Variants in IQCH observed in about 807,000 individuals in gnomAD.
IQCH encodes IQ domain-containing protein H.
Under a neutral mutation model 117.0 loss-of-function variants are expected in IQCH, and 98 were observed. The observed-to-expected ratio is 0.84, with a 90% CI of 0.71 to 0.99. The LOEUF (loss-of-function observed/expected upper bound fraction) is 0.99, where lower values mean the gene tolerates loss of function less well. Among genes scored for constraint, IQCH ranks in the 50% least tolerant of loss-of-function variants. The pLI is 0.00. For missense variants in IQCH, 1,102 were observed against 1,243.8 expected, an observed-to-expected ratio of 0.89 and a Z score of 1.72; for synonymous variants, 412 against 448.2, an observed-to-expected ratio of 0.92 and a Z score of 1.02.
Position 67,254,859 on chromosome 15 carries a change from C to G in IQCH, c.-38C>G. On this transcript the variant is annotated 5_prime_UTR_variant, in exon 1 of 21. Transcript: ENST00000335894. ...GGCTGAAGGTTTCCGTGCTTGGAAA[C>G]CGCGCCTCCGCGGAGGTAGCCGTTC... 7.5e-6 allele frequency: 12 copies of G among 1,603,908 alleles called. No individual in the cohort carries two copies. The highest frequency in any genetic ancestry group is 1.0e-5 in the Non-Finnish European group (12 of 1,173,496).
In IQCH at chr15:67,293,848, A is replaced by T. The variant is rs149456822; in HGVS notation, c.387+14336A>T. On this transcript the variant is annotated intron_variant, in intron 4 of 20. Transcript: ENST00000335894. ...ACCCTAAATTATGAGTGTGAATAGC[A>T]AAGAAGGGGAGGGTGCAAGGAAGAG... Among the ~76,000 whole-genome samples the T allele has an allele frequency of 3.2e-3, 490 of 152,272 alleles. 2 individuals carry two copies. Among genetic ancestry groups the T allele is most frequent in the Admixed American group, 3.9e-3 (60 of 15,282 alleles).
At position 67,348,046 on chromosome 15, in the gene IQCH, C is replaced by G. The variant is rs200823373; in HGVS notation, c.637+3855C>G. Among the ~76,000 whole-genome samples the G allele has an allele frequency of 6.6e-5, 10 of 151,584 alleles. No homozygotes were observed. The East Asian group carries it at 1.9e-3, about 29-fold the overall frequency. ...AAGAAGAAAAACTATATAACCATCT[C>G]AATTTAAAAAAAATCAACATCCATT... On this transcript the variant is annotated intron_variant, in intron 6 of 20. Coordinates refer to ENST00000335894, the MANE Select transcript of IQCH (RefSeq NM_001031715.3).
In IQCH at chr15:67,295,124, C is replaced by T. The variant is rs149760713; in HGVS notation, c.387+15612C>T. Among the ~76,000 whole-genome samples, 104 of 152,252 alleles carry T rather than the reference C, an allele frequency of 6.8e-4. 4 individuals carry two copies. The East Asian group carries it at 0.012, about 18-fold the overall frequency. On this transcript the variant is annotated intron_variant, in intron 4 of 20. Transcript: ENST00000335894. ...CTCCTCTTTCTTCATACCTCCAGCA[C>T]CCTTGTCTCCCCTTACTTTCAGCTG...
At position 67,384,305 on chromosome 15, in the gene IQCH, C is replaced by A. The variant is rs1971037256; in HGVS notation, c.1373-631C>A. Among the ~76,000 whole-genome samples the A allele has an allele frequency of 6.6e-6, 1 of 152,014 alleles. No individual in the cohort carries two copies. The highest frequency in any genetic ancestry group is 6.6e-5 in the Admixed American group (1 of 15,242). ...GAGAGATTTTTGGACAATAGTAATT[C>A]ATATGTGTTTTCCCTTCTGCTACGT... On this transcript the variant is annotated intron_variant, in intron 10 of 20. Transcript: ENST00000335894. This position sits in a 1 kb window ranked among gnomAD's most constrained non-coding sequence, Gnocchi z 4.3.
intron 6 of IQCH, among the ~76,000 whole-genome samples, chr15:67,349,660 T>C (rs1342306587): frequency 6.6e-6 from 1 of 151,134 alleles, no homozygotes; most frequent in Non-Finnish European, 1.5e-5. Context: ...AGTTAATATT[T>C]TAAAACAATA....
rs1352283619 is a variant in IQCH at position 67,381,857 on chromosome 15, A to T, written c.1373-3079A>T. Among the ~76,000 whole-genome samples, 1 of 151,814 alleles carries T rather than the reference A, an allele frequency of 6.6e-6. No homozygotes were observed. Among genetic ancestry groups the T allele is most frequent in the East Asian group, 1.9e-4 (1 of 5,162 alleles). On this transcript the variant is annotated intron_variant, in intron 10 of 20. Coordinates refer to ENST00000335894, the MANE Select transcript of IQCH (RefSeq NM_001031715.3). This position sits in a 1 kb window ranked among gnomAD's most constrained non-coding sequence, Gnocchi z 5.1. ...TTAGCCAGGTGTGGTAGTGTGCACC[A>T]GTAGTCTCACCTAATTGAGAGGCTG... is the stretch of plus-strand genomic sequence containing the variant.
chr15:67,470,575 C>G (rs1294339668), intron 17 of IQCH, among the ~76,000 whole-genome samples: 1 of 152,158 alleles, frequency 6.6e-6, no homozygotes, highest in Non-Finnish European at 1.5e-5. Flanking sequence ...AAGAGCATGT[C>G]ACTTATACTA....
rs1290033331 is a variant in IQCH, at chr15:67,401,413, G to A, written c.2097+1108G>A. 3.3e-5 allele frequency among the ~76,000 whole-genome samples: 5 copies of A among 152,178 alleles called. No homozygotes were observed. The highest frequency in any genetic ancestry group is 1.3e-4 in the Admixed American group (2 of 15,278). ...CTGACCTGCTGGTTAAAGCATAACC[G>A]ATTAGGAAAATCACAATGCAAATTC... On this transcript the variant is annotated intron_variant, in intron 14 of 20. Coordinates refer to ENST00000335894, the MANE Select transcript of IQCH (RefSeq NM_001031715.3). This position sits in a 1 kb window ranked among gnomAD's most constrained non-coding sequence, Gnocchi z 4.7.
chr15:67,395,709 T>C lies in IQCH; in HGVS notation c.1905+146T>C, dbSNP rs1971446186. The stretch of plus-strand genomic sequence containing the variant: ...TTGATTTGAGGGAATCTACTTTATT[T>C]ATTTATTTATTTATTTATTTATTTA... On this transcript the variant is annotated intron_variant, in intron 13 of 20. Coordinates refer to ENST00000335894, the MANE Select transcript of IQCH (RefSeq NM_001031715.3). This position sits in a 1 kb window ranked among gnomAD's most constrained non-coding sequence, Gnocchi z 4.0. The C allele has an allele frequency of 4.0e-6, 1 of 247,682 alleles. No homozygotes were observed. The highest frequency in any genetic ancestry group is 7.5e-6 in the Non-Finnish European group (1 of 133,382). 15.3% of individuals were successfully genotyped at this position (247,682 alleles called of 1,614,324 possible). A position where few individuals can be genotyped will look rare whatever the true frequency, so the allele number is the denominator to read the frequency against.
At position 67,365,935 on chromosome 15, in the gene IQCH, C is replaced by CA. The variant is rs1369228391; in HGVS notation, c.753+6057dup. Among the ~76,000 whole-genome samples the CA allele has an allele frequency of 6.9e-4, 104 of 150,998 alleles. No homozygotes were observed. Among genetic ancestry groups the CA allele is most frequent in the Non-Finnish European group, 9.5e-4 (64 of 67,724 alleles). On this transcript the variant is annotated intron_variant, in intron 8 of 20. Coordinates refer to ENST00000335894, the MANE Select transcript of IQCH (RefSeq NM_001031715.3). This position sits in a 1 kb window ranked among gnomAD's most constrained non-coding sequence, Gnocchi z 4.4. ...GCAGAGGAAGACTCTGTCTCAAAAA[C>CA]AAAAAAAGAATACATATGTAGGTAT...
chr15:67,301,370 G>C (rs1203288927), intron 4 of IQCH, among the ~76,000 whole-genome samples: 2 of 143,626 alleles, frequency 1.4e-5, no homozygotes, highest in Admixed American at 1.4e-4. Context: ...GTACTTGGTA[G>C]TGAATTTCAG....
At chr15:67,477,329 G>A (rs1183740960) in intron 18 of IQCH, among the ~76,000 whole-genome samples, 2 of 152,112 alleles carry the variant, frequency 1.3e-5, no homozygotes, top group African/African-American at 4.8e-5. Context: ...TTACAGGCAT[G>A]AGCCACCGCG....
chr15:67,428,608 T>A (rs887136461), intron 16 of IQCH, among the ~76,000 whole-genome samples: 1 of 152,076 alleles, frequency 6.6e-6, no homozygotes, highest in Non-Finnish European at 1.5e-5. Flanking sequence ...CCCAACACTT[T>A]GGGAGACCGA....
intron 4 of IQCH, among the ~76,000 whole-genome samples, chr15:67,312,242 A>T (rs1183448993): frequency 6.6e-6 from 1 of 152,116 alleles, no homozygotes. Context: ...GAACTGTGTC[A>T]CACCTATGAT....
rs192343959 is a variant in IQCH at position 67,359,538 on chromosome 15, A to G, written c.715-309A>G. On this transcript the variant is annotated intron_variant, in intron 7 of 20. Coordinates refer to ENST00000335894, the MANE Select transcript of IQCH (RefSeq NM_001031715.3). This position sits in a 1 kb window ranked among gnomAD's most constrained non-coding sequence, Gnocchi z 4.5. ...TACAGACCTTTGATCAGACACCACC[A>G]CAAAGCAGTGTGGTGCCACGCTAGT... Among the ~76,000 whole-genome samples, 2 of 152,368 alleles carry G rather than the reference A, an allele frequency of 1.3e-5. No individual in the cohort carries two copies. Among genetic ancestry groups the G allele is most frequent in the Admixed American group, 6.5e-5 (1 of 15,310 alleles).
intron 4 of IQCH, among the ~76,000 whole-genome samples, chr15:67,300,921 T>C (rs1304541205): frequency 6.6e-6 from 1 of 152,182 alleles, no homozygotes; most frequent in African/African-American, 2.4e-5. Context: ...GAGATGAAAA[T>C]TGAGCTCCCT....
intron 10 of IQCH, among the ~76,000 whole-genome samples, chr15:67,374,540 A>G (rs1970673650): frequency 6.6e-6 from 1 of 152,188 alleles, no homozygotes; most frequent in Non-Finnish European, 1.5e-5. Context: ...TAAAATATCA[A>G]TAATAAAATA....
chr15:67,292,714 C>T (rs1368631508), intron 4 of IQCH, among the ~76,000 whole-genome samples: 1 of 152,118 alleles, frequency 6.6e-6, no homozygotes, highest in Non-Finnish European at 1.5e-5. Context: ...ACATTTCACC[C>T]CTTAATGCTT....
In IQCH at chr15:67,357,369, C is replaced by A; in HGVS notation, c.662C>A (p.Pro221Gln). ...TVATFTIPREPPPSPAEVKFF... is the reference protein window; with the variant it reads ...TVATFTIPREQPPSPAEVKFF... ...GCCACTTTCACTATACCTCGGGAAC[C>A]ACCTCCATCTCCAGCAGAAGTGAAG... is the stretch of plus-strand genomic sequence containing the variant. Residue 221 changes from proline (P) to glutamine (Q), a missense_variant, in exon 7 of 21, where the codon CCA becomes CAA. Transcript: ENST00000335894. 1 of 1,610,696 alleles carries A rather than the reference C, an allele frequency of 6.2e-7. No homozygotes were observed. The highest frequency in any genetic ancestry group is 8.5e-7 in the Non-Finnish European group (1 of 1,176,822).
Sources: gnomAD v4.1 joint callset for allele counts (sites outside exome capture counted in the v4.1 genomes callset) on GRCh38, gnomAD v4.1.1 for gene constraint, Gnocchi (gnomAD v3.1) non-coding constraint, MANE v1.5 for transcripts, NCBI Gene and HGNC (gene_info 2026-07-23, HGNC 2026-07-21) for gene names.